Variants in MSI2 observed in about 807,000 individuals in gnomAD.
MSI2 encodes the protein musashi RNA binding protein 2, also known as RNA-binding protein Musashi homolog 2.
In MSI2, 17 loss-of-function variants were observed where a neutral mutation model predicts 45.6. The ratio of observed to expected loss-of-function variants is 0.37; its 90% confidence interval spans 0.26 to 0.56. The LOEUF is 0.56. Among genes scored for constraint, MSI2 ranks in the 20% least tolerant of loss-of-function variants. MSI2 has a pLI of 0.77. For missense variants in MSI2, 293 were observed against 444.2 expected (o/e 0.66, Z 3.06); for synonymous variants, 156 against 158.2 (o/e 0.99, Z 0.11).
At chr17:57,672,422 C>T (rs1006570530) in intron 11 of MSI2, among the ~76,000 whole-genome samples, 2 of 152,194 alleles carry the variant, frequency 1.3e-5, no homozygotes, top group Non-Finnish European at 2.9e-5. Flanking sequence ...TCTATCTAAG[C>T]CTGCAGAAGG....
chr17:57,580,302 G>A (rs1301582785), intron 7 of MSI2, among the ~76,000 whole-genome samples: 4 of 152,202 alleles, frequency 2.6e-5, no homozygotes, highest in African/African-American at 9.6e-5. Flanking sequence ...AAAGTTTATC[G>A]ATGAAGGCTG....
At chr17:57,498,761 C>CT (rs905290115) in intron 6 of MSI2, among the ~76,000 whole-genome samples, 8 of 151,480 alleles carry the variant, frequency 5.3e-5, no homozygotes, top group East Asian at 1.9e-4. Context: ...ACCTTTCTTT[C>CT]TTTTTTTTTC....
At chr17:57,687,118 TTACA>T (rs143505256), downstream of MSI2, among the ~76,000 whole-genome samples, 45,240 of 151,478 alleles carry the variant, frequency 0.3, 7,335 homozygotes, top group East Asian at 0.49. Context: ...TTAAAAAAGA[TTACA>T]TACAAACTGC....
rs148463974 is a variant in MSI2, at chr17:57,549,480, T to C, written c.454+19756T>C. Among the ~76,000 whole-genome samples, 1,084 of 152,308 alleles carry C rather than the reference T, an allele frequency of 7.1e-3. 13 individuals carry two copies. Among genetic ancestry groups the C allele is most frequent in the South Asian group, 0.01 (50 of 4,822 alleles). On this transcript the variant is annotated intron_variant, in intron 7 of 13. Transcript: ENST00000284073. ...TGACCCTGTTGTTGTGATAGCTCTT[T>C]GCTGTCCTTTCTACCTCACCTTCAC...
intron 7 of MSI2, among the ~76,000 whole-genome samples, chr17:57,578,207 G>A (rs986086797): frequency 1.3e-5 from 2 of 151,976 alleles, no homozygotes; most frequent in Non-Finnish European, 2.9e-5. Context: ...CTCTGCTGGT[G>A]ACAGCCCAAG....
At chr17:57,582,766 G>A (rs531130618) in intron 7 of MSI2, among the ~76,000 whole-genome samples, 60 of 152,106 alleles carry the variant, frequency 3.9e-4, no homozygotes, top group African/African-American at 1.4e-3. Flanking sequence ...ATCAAGTGTT[G>A]CATTTTTATA....
chr17:57,495,064 C>T (rs2085948806), intron 6 of MSI2, among the ~76,000 whole-genome samples: 1 of 152,028 alleles, frequency 6.6e-6, no homozygotes, highest in Admixed American at 6.5e-5. Context: ...GGCTGGGCTG[C>T]AGGGAGAGGG....
At chr17:57,524,247 T>G (rs922471140) in intron 6 of MSI2, among the ~76,000 whole-genome samples, 5 of 152,348 alleles carry the variant, frequency 3.3e-5, no homozygotes, top group Admixed American at 2.6e-4. Context: ...CACCGCATTT[T>G]ATTAGCCCTA....
At chr17:57,655,070 TG>T (rs1369401191) in intron 11 of MSI2, among the ~76,000 whole-genome samples, 2 of 151,766 alleles carry the variant, frequency 1.3e-5, no homozygotes, top group East Asian at 3.9e-4. Context: ...GTAGGAGGTC[TG>T]GGGGGGCCTT....
intron 6 of MSI2, among the ~76,000 whole-genome samples, chr17:57,429,010 C>A (rs761171065): frequency 6.6e-6 from 1 of 152,204 alleles, no homozygotes; most frequent in East Asian, 1.9e-4. Flanking sequence ...AGATCCCCCA[C>A]GCTTAAATAT....
chr17:57,339,321 A>G (rs1317098610), intron 5 of MSI2, among the ~76,000 whole-genome samples: 1 of 152,158 alleles, frequency 6.6e-6, no homozygotes, highest in African/African-American at 2.4e-5. Flanking sequence ...TTAAAAGCCA[A>G]CTCGGTTTCC....
intron 5 of MSI2, among the ~76,000 whole-genome samples, chr17:57,285,608 A>G (rs553473775): frequency 6.6e-6 from 1 of 152,314 alleles, no homozygotes; most frequent in South Asian, 2.1e-4. Flanking sequence ...AAGTTTGTGG[A>G]AGGTTCCGGC....
chr17:57,436,647 A>AG (rs1223290274), intron 6 of MSI2, among the ~76,000 whole-genome samples: 1 of 152,208 alleles, frequency 6.6e-6, no homozygotes, highest in Admixed American at 6.5e-5. Flanking sequence ...CCGAGGAGGC[A>AG]GGGGGGTGAG....
rs1399894089 is a variant in MSI2 at position 57,407,260 on chromosome 17, C to T, written c.405+5789C>T. ...GGCCCGAGGAAGCGCTGGGTGCCTG[C>T]GATCTCCCAGCTCCGGGGTTTTCTG... On this transcript the variant is annotated intron_variant, in intron 6 of 13. Transcript: ENST00000284073. This position sits in a 1 kb window ranked among gnomAD's most constrained non-coding sequence, Gnocchi z 4.1. 6.6e-6 allele frequency among the ~76,000 whole-genome samples: 1 copy of T among 152,116 alleles called. No individual in the cohort carries two copies. Among genetic ancestry groups the T allele is most frequent in the Non-Finnish European group, 1.5e-5 (1 of 68,026 alleles).
intron 9 of MSI2, chr17:57,626,406 T>C (rs1213641675): frequency 6.6e-6 from 1 of 152,068 alleles, no homozygotes. Flanking sequence ...CTCACATCAC[T>C]GGGGGTTAGT....
chr17:57,580,058 A>G (rs1278669615), intron 7 of MSI2, among the ~76,000 whole-genome samples: 1 of 151,996 alleles, frequency 6.6e-6, no homozygotes, highest in East Asian at 1.9e-4. Context: ...GCCTTGAAAG[A>G]ATGTTCCAGA....
chr17:57,330,295 T>C (rs2143723395), intron 5 of MSI2, among the ~76,000 whole-genome samples: 1 of 151,898 alleles, frequency 6.6e-6, no homozygotes, highest in East Asian at 1.9e-4. Flanking sequence ...TTTTCTTTTT[T>C]TTTTTTTGAG....
In MSI2 at chr17:57,257,519, A is replaced by G; in HGVS notation, c.157A>G (p.Met53Val). Residue 53 changes from methionine (M) to valine (V), a missense_variant, in exon 3 of 14, where the codon ATG (methionine) becomes GTG (valine). Transcript: ENST00000284073. ...KFGEIRECMVMRDPTTKRSRG... is the reference protein window; with the variant it reads ...KFGEIRECMVVRDPTTKRSRG... ...TGGAGAAATTAGAGAATGTATGGTC[A>G]TGAGAGATCCCACTACGAAACGCTC... The G allele has an allele frequency of 6.2e-7, 1 of 1,604,754 alleles. No homozygotes were observed. The highest frequency in any genetic ancestry group is 8.5e-7 in the Non-Finnish European group (1 of 1,172,860).
chr17:57,325,423 A>C (rs1021840980), intron 5 of MSI2, among the ~76,000 whole-genome samples: 2 of 152,246 alleles, frequency 1.3e-5, no homozygotes, highest in Non-Finnish European at 2.9e-5. Context: ...ATGCAACTGA[A>C]AACCACTTAT....
Sources: gnomAD v4.1 joint callset for allele counts (sites outside exome capture counted in the v4.1 genomes callset) on GRCh38, gnomAD v4.1.1 for gene constraint, Gnocchi (gnomAD v3.1) non-coding constraint, MANE v1.5 for transcripts, NCBI Gene and HGNC (gene_info 2026-07-23, HGNC 2026-07-21) for gene names.